Variants in KCNMA1 observed in about 807,000 individuals in gnomAD.
KCNMA1 encodes Calcium-activated potassium channel subunit alpha-1.
A neutral mutation model predicts 140.0 loss-of-function variants in KCNMA1; 29 were observed. The ratio of observed to expected loss-of-function variants is 0.21; its 90% CI spans 0.15 to 0.28. KCNMA1 has a LOEUF of 0.28. Among genes scored for constraint, KCNMA1 ranks in the 10% least tolerant of loss-of-function variants. KCNMA1 has a pLI of 1.00. For synonymous variants in KCNMA1, 612 were observed against 611.9 expected, an observed-to-expected ratio of 1.00 and a Z score of 0.00; for missense variants, 880 against 1,602.2, an observed-to-expected ratio of 0.55 and a Z score of 7.70.
At chr10:77,282,963 C>T (rs2069232387) in intron 2 of KCNMA1, among the ~76,000 whole-genome samples, 2 of 152,238 alleles carry the variant, frequency 1.3e-5, no homozygotes, top group South Asian at 4.1e-4. Flanking sequence ...TATGTTCCTG[C>T]CTCTGGCAGA....
chr10:77,067,155 G>A (rs1232314900), intron 14 of KCNMA1, among the ~76,000 whole-genome samples: 3 of 152,316 alleles, frequency 2.0e-5, no homozygotes, highest in African/African-American at 4.8e-5. Flanking sequence ...AATTTGTGGA[G>A]TGAGTAAAGC....
intron 20 of KCNMA1, 69 bp downstream of exon 20, chr10:76,969,905 G>T: frequency 8.0e-7 from 1 of 1,246,726 alleles, no homozygotes; most frequent in Non-Finnish European, 1.2e-6. Context: ...CTGGCAGGGT[G>T]AGGAGAGGGC....
At chr10:77,267,866 A>G (rs898495632) in intron 2 of KCNMA1, among the ~76,000 whole-genome samples, 3 of 152,176 alleles carry the variant, frequency 2.0e-5, no homozygotes, top group African/African-American at 7.2e-5. Context: ...GACACAGGAG[A>G]TCACCTGCCA....
intron 6 of KCNMA1, among the ~76,000 whole-genome samples, chr10:77,115,446 A>G (rs1465331282): frequency 1.3e-5 from 2 of 152,194 alleles, no homozygotes; most frequent in Non-Finnish European, 2.9e-5. Flanking sequence ...TAAGAAATAG[A>G]TGAAGAACTG....
intron 19 of KCNMA1, among the ~76,000 whole-genome samples, chr10:76,997,388 A>G (rs561751177): frequency 5.1e-4 from 78 of 152,368 alleles, no homozygotes; most frequent in African/African-American, 1.9e-3. Flanking sequence ...GCAATCACAC[A>G]TGTACTTTAG....
chr10:77,219,868 T>C (rs2049015323), intron 3 of KCNMA1, among the ~76,000 whole-genome samples: 1 of 152,206 alleles, frequency 6.6e-6, no homozygotes, highest in Non-Finnish European at 1.5e-5. Flanking sequence ...TGGTAACTCA[T>C]GATTGCCGAA....
intron 1 of KCNMA1, among the ~76,000 whole-genome samples, chr10:77,501,124 T>C (rs1761242495): frequency 6.6e-6 from 1 of 152,220 alleles, no homozygotes; most frequent in South Asian, 2.1e-4. Flanking sequence ...CATTTCAGCA[T>C]TGTTGGGTGA....
At chr10:76,876,436 G>A (rs1040158174), downstream of KCNMA1, 3 of 152,610 alleles carry the variant, frequency 2.0e-5, no homozygotes, top group East Asian at 1.9e-4. Flanking sequence ...GCATGCAAGC[G>A]ATAGCAGAGC....
intron 1 of KCNMA1, among the ~76,000 whole-genome samples, chr10:77,550,660 C>T (rs546875542): frequency 6.6e-6 from 1 of 152,294 alleles, no homozygotes; most frequent in Admixed American, 6.5e-5. Context: ...TGGGCAGAAG[C>T]AAGGCTTGGG....
At chr10:77,092,234 T>G (rs573976114) in intron 9 of KCNMA1, 1 of 152,186 alleles carries the variant, frequency 6.6e-6, no homozygotes, top group Non-Finnish European at 1.5e-5. Context: ...ATACACAATA[T>G]AGATTGAACA....
At chr10:77,428,073 ATG>A (rs2097064340) in intron 1 of KCNMA1, among the ~76,000 whole-genome samples, 1 of 152,100 alleles carries the variant, frequency 6.6e-6, no homozygotes, top group Non-Finnish European at 1.5e-5. Context: ...TTGAAGGAAG[ATG>A]TGTTTTATAA....
At chr10:77,180,887 T>C (rs1300289726) in intron 5 of KCNMA1, among the ~76,000 whole-genome samples, 2 of 152,222 alleles carry the variant, frequency 1.3e-5, no homozygotes, top group Non-Finnish European at 1.5e-5. Context: ...TTTGTGCCAA[T>C]AGATTTTTTA....
intron 1 of KCNMA1, among the ~76,000 whole-genome samples, chr10:77,630,239 C>T (rs995042734): frequency 1.3e-5 from 2 of 152,214 alleles, no homozygotes; most frequent in Non-Finnish European, 2.9e-5. Flanking sequence ...TGGGGCATCA[C>T]CGCAGTGCAG....
chr10:77,313,612 C>A (rs1036639360), intron 2 of KCNMA1, among the ~76,000 whole-genome samples: 6 of 152,180 alleles, frequency 3.9e-5, no homozygotes, highest in African/African-American at 1.4e-4. Flanking sequence ...ATGCTAGGAT[C>A]CTGGCAACCC....
chr10:76,985,605 G>A (rs1414731267), intron 19 of KCNMA1, among the ~76,000 whole-genome samples: 1 of 152,158 alleles, frequency 6.6e-6, no homozygotes, highest in African/African-American at 2.4e-5. Flanking sequence ...ATATGTCACT[G>A]ATACAGTGAG....
intron 1 of KCNMA1, among the ~76,000 whole-genome samples, chr10:77,475,062 G>A (rs904711978): frequency 6.6e-6 from 1 of 152,144 alleles, no homozygotes; most frequent in African/African-American, 2.4e-5. Context: ...ACTCTTTCCT[G>A]GAGCTAGGAG....
chr10:77,185,944 A>G (rs945107690), intron 3 of KCNMA1, among the ~76,000 whole-genome samples: 2 of 152,108 alleles, frequency 1.3e-5, no homozygotes, highest in Non-Finnish European at 2.9e-5. Flanking sequence ...ATACCAAGAG[A>G]AGCAAAACAC....
intron 5 of KCNMA1, chr10:77,148,257 A>G (rs1159486858): frequency 3.3e-5 from 5 of 152,204 alleles, no homozygotes; most frequent in Admixed American, 2.6e-4. Flanking sequence ...GATCAAATCT[A>G]TCCTAAAATT....
At chr10:77,001,254 T>C (rs956094264) in intron 19 of KCNMA1, among the ~76,000 whole-genome samples, 153 bp downstream of exon 19, 2 of 151,816 alleles carry the variant, frequency 1.3e-5, no homozygotes, top group African/African-American at 2.4e-5. Context: ...CACAGAGACA[T>C]AGGCAGCTGG....
Sources: gnomAD v4.1 joint callset for allele counts (sites outside exome capture counted in the v4.1 genomes callset) on GRCh38, gnomAD v4.1.1 for gene constraint, MANE v1.5 for transcripts, NCBI Gene and HGNC (gene_info 2026-07-23, HGNC 2026-07-21) for gene names.